The following TENM3 variants were observed in gnomAD, a reference collection of about 807,000 sequenced individuals.
TENM3 encodes the protein teneurin-3.
TENM3 carries 63 observed loss-of-function variants against 255.1 expected under a neutral mutation model. The observed-to-expected ratio is 0.25, with a 90% CI of 0.20 to 0.30. TENM3 has a LOEUF of 0.30. Among genes scored for constraint, TENM3 ranks in the 10% least tolerant of loss-of-function variants. The probability of loss-of-function intolerance (pLI) is 1.00; values close to 1 mark genes in which losing one functional copy is unlikely to be tolerated. For synonymous variants in TENM3, 1,306 were observed against 1,322.3 expected (o/e 0.99, Z 0.27); for missense variants, 2,929 against 3,461.1 (o/e 0.85, Z 3.86).
the TENM3 span, among the ~76,000 whole-genome samples, chr4:181,580,582 A>C: frequency 6.6e-6 from 1 of 152,212 alleles, no homozygotes; most frequent in Non-Finnish European, 1.5e-5. Context: ...GACTATGCTT[A>C]AGAAGATCAC....
At chr4:182,443,852 A>G (rs1485503698) in intron 3 of TENM3, among the ~76,000 whole-genome samples, 2 of 152,200 alleles carry the variant, frequency 1.3e-5, no homozygotes, top group East Asian at 3.8e-4. Flanking sequence ...AGCAGTGGAC[A>G]TGATTGGATA....
intron 1 of TENM3, among the ~76,000 whole-genome samples, chr4:182,250,099 C>T (rs113393202): frequency 0.012 from 1,781 of 146,034 alleles, 31 homozygotes; most frequent in African/African-American, 0.044. Flanking sequence ...GTCGCCCAGA[C>T]TGGAGTGCAG....
At chr4:181,973,602 A>G in the TENM3 span, among the ~76,000 whole-genome samples, 1 of 152,086 alleles carries the variant, frequency 6.6e-6, no homozygotes, top group Admixed American at 6.5e-5. Flanking sequence ...AAAAAAATAA[A>G]TAAGACTATT....
chr4:182,797,257 T>G (rs1161259734), intron 27 of TENM3, among the ~76,000 whole-genome samples: 1 of 152,010 alleles, frequency 6.6e-6, no homozygotes, highest in East Asian at 1.9e-4. Context: ...CTGACCAACA[T>G]GGAGAAACCC....
the TENM3 span, among the ~76,000 whole-genome samples, chr4:181,851,928 G>A: frequency 2.0e-5 from 3 of 152,048 alleles, no homozygotes; most frequent in Non-Finnish European, 4.4e-5. Context: ...AAGAAAGCCT[G>A]GATCATAGAT....
the TENM3 span, among the ~76,000 whole-genome samples, chr4:181,806,801 A>G: frequency 6.6e-6 from 1 of 152,252 alleles, no homozygotes; most frequent in Non-Finnish European, 1.5e-5. Context: ...ATACCACGTA[A>G]TAGGAGAATC....
chr4:181,521,336 T>C, the TENM3 span, among the ~76,000 whole-genome samples: 2 of 152,240 alleles, frequency 1.3e-5, no homozygotes, highest in East Asian at 1.9e-4. Flanking sequence ...CTCTTACCGA[T>C]GCCATTAGCT....
the TENM3 span, among the ~76,000 whole-genome samples, chr4:181,448,306 G>A: frequency 1.4e-5 from 2 of 143,124 alleles, no homozygotes; most frequent in Non-Finnish European, 3.0e-5. Flanking sequence ...AGAGTAGCTG[G>A]GAATACAGGC....
At chr4:181,906,192 GT>G in the TENM3 span, 1 of 238,246 alleles carries the variant, frequency 4.2e-6, no homozygotes, top group East Asian at 1.4e-4. Context: ...TTCATCATCT[GT>G]TTTCCTCAAA....
chr4:182,538,396 G>C (rs1265320468), intron 3 of TENM3, among the ~76,000 whole-genome samples: 1 of 152,206 alleles, frequency 6.6e-6, no homozygotes, highest in African/African-American at 2.4e-5. Flanking sequence ...GCAGAGATTT[G>C]AAGGGTGAGG....
the TENM3 span, among the ~76,000 whole-genome samples, chr4:181,933,759 T>C: frequency 6.6e-6 from 1 of 152,170 alleles, no homozygotes; most frequent in Non-Finnish European, 1.5e-5. Flanking sequence ...GGCATTTAAC[T>C]ACACTGAATT....
chr4:181,596,999 C>T, the TENM3 span, among the ~76,000 whole-genome samples: 2 of 152,078 alleles, frequency 1.3e-5, no homozygotes, highest in South Asian at 4.1e-4. Context: ...TAATATTAAT[C>T]TGTACAGCAA....
chr4:182,041,682 A>G, the TENM3 span, among the ~76,000 whole-genome samples: 1 of 152,186 alleles, frequency 6.6e-6, no homozygotes, highest in African/African-American at 2.4e-5. Flanking sequence ...CTCTTCTAAG[A>G]CACAGTGATT....
At chr4:181,869,102 T>G in the TENM3 span, among the ~76,000 whole-genome samples, 7 of 152,182 alleles carry the variant, frequency 4.6e-5, no homozygotes, top group Non-Finnish European at 7.3e-5. Context: ...ATCTGTTTCC[T>G]TTCATAAAAA....
chr4:181,579,223 C>T, the TENM3 span, among the ~76,000 whole-genome samples: 6 of 152,120 alleles, frequency 3.9e-5, no homozygotes, highest in South Asian at 1.2e-3. Flanking sequence ...TGAGCCCACC[C>T]CACTGTGACC....
chr4:182,591,530 T>C (rs560720466), intron 3 of TENM3, among the ~76,000 whole-genome samples: 3 of 152,376 alleles, frequency 2.0e-5, no homozygotes, highest in South Asian at 4.1e-4. Flanking sequence ...TGTTTACTTA[T>C]ATTGCATCAT....
chr4:182,331,160 G>GA (rs1580183534), intron 2 of TENM3, among the ~76,000 whole-genome samples: 1 of 151,870 alleles, frequency 6.6e-6, no homozygotes, highest in African/African-American at 2.4e-5. Flanking sequence ...CAGCTCCAAG[G>GA]AAAAAAAGGC....
the TENM3 span, among the ~76,000 whole-genome samples, chr4:181,649,842 G>A: frequency 2.6e-5 from 4 of 152,296 alleles, no homozygotes; most frequent in African/African-American, 2.4e-5. Context: ...AAGTAGAGCT[G>A]TCGTGGTACA....
At chr4:181,560,280 A>G in the TENM3 span, among the ~76,000 whole-genome samples, 1 of 152,084 alleles carries the variant, frequency 6.6e-6, no homozygotes, top group Non-Finnish European at 1.5e-5. Flanking sequence ...ACAGGGGCCC[A>G]CCCTCATGAC....
Sources: gnomAD v4.1 joint callset for allele counts (sites outside exome capture counted in the v4.1 genomes callset) on GRCh38, gnomAD v4.1.1 for gene constraint, MANE v1.5 for transcripts, NCBI Gene and HGNC (gene_info 2026-07-23, HGNC 2026-07-21) for gene names.